ARID5B: variants seen among roughly 807,000 people sequenced by gnomAD.
ARID5B encodes the protein AT-rich interaction domain 5B.
ARID5B carries 13 observed loss-of-function variants against 97.2 expected under a neutral mutation model. The ratio of observed to expected loss-of-function variants is 0.13; its 90% confidence interval spans 0.09 to 0.21. ARID5B has a LOEUF of 0.21. Among genes scored for constraint, ARID5B ranks in the 10% least tolerant of loss-of-function variants. The pLI is 1.00. For missense variants in ARID5B, 1,210 were observed against 1,465.3 expected (o/e 0.83, Z 2.84); for synonymous variants, 556 against 570.3 (o/e 0.97, Z 0.36).
At chr10:62,053,716 G>A (rs1839820947) in intron 5 of ARID5B, among the ~76,000 whole-genome samples, 1 of 152,204 alleles carries the variant, frequency 6.6e-6, no homozygotes, top group African/African-American at 2.4e-5. Flanking sequence ...AAGGGCAGAA[G>A]TGTATTACAG....
Position 61,966,974 on chromosome 10 carries a change from C to T in ARID5B, c.502+26566C>T, listed in dbSNP as rs1451117858. Among the ~76,000 whole-genome samples the T allele has an allele frequency of 5.3e-5, 8 of 152,250 alleles. No individual in the cohort carries two copies. The South Asian group carries it at 1.2e-3, about 24-fold the overall frequency. On this transcript the variant is annotated intron_variant, in intron 3 of 9. Coordinates refer to ENST00000279873, the MANE Select transcript of ARID5B (RefSeq NM_032199.3). Reference sequence around the variant, plus strand: ...ATTTTATTATTTCTCACTAGCAGTACTCTGTATATTGGCTCGTATAGAAAT... The same window carrying T: ...ATTTTATTATTTCTCACTAGCAGTATTCTGTATATTGGCTCGTATAGAAAT...
At chr10:61,995,604 C>T (rs1015017493) in intron 3 of ARID5B, among the ~76,000 whole-genome samples, 2 of 151,960 alleles carry the variant, frequency 1.3e-5, no homozygotes, top group Admixed American at 1.3e-4. Context: ...CTCTGTTATA[C>T]ACACCTTTCA....
rs534809953 is a variant in ARID5B at position 62,053,204 on chromosome 10, GC to G, written c.846+2205del. On this transcript the variant is annotated intron_variant, in intron 5 of 9. Transcript: ENST00000279873. ...AAAGCAGCATCTTAGAGGACAGTGA[GC>G]TGTTTGACTTTGTGACCAAGACCCA... Among the ~76,000 whole-genome samples the G allele has an allele frequency of 1.3e-4, 20 of 152,288 alleles. No homozygotes were observed. In the East Asian group the frequency reaches 3.9e-3, roughly 29 times the overall value.
At chr10:61,968,366 T>C (rs1480543392) in intron 3 of ARID5B, among the ~76,000 whole-genome samples, 3 of 151,596 alleles carry the variant, frequency 2.0e-5, no homozygotes, top group African/African-American at 7.3e-5. Context: ...TAGAAAATAC[T>C]AACATACACA....
intron 3 of ARID5B, among the ~76,000 whole-genome samples, chr10:61,948,360 C>T (rs1838270522): frequency 7.1e-6 from 1 of 140,856 alleles, no homozygotes; most frequent in Non-Finnish European, 1.5e-5. Flanking sequence ...GGTTACTTAT[C>T]TTAGGATACA....
At position 62,082,352 on chromosome 10, in the gene ARID5B, G is replaced by GA. The variant is rs1840224261; in HGVS notation, c.1200-3346dup. ...CAGACTAGATGTAGATCAGGAAGGG[G>GA]AAAATCTCTGGATTTTCTAATGAAT... is the stretch of plus-strand genomic sequence containing the variant. On this transcript the variant is annotated intron_variant, in intron 8 of 9. Transcript: ENST00000279873. Among the ~76,000 whole-genome samples the GA allele has an allele frequency of 3.9e-5, 6 of 152,260 alleles. No homozygotes were observed. In the South Asian group the frequency reaches 8.3e-4, roughly 21 times the overall value.
In ARID5B at chr10:62,019,918, C is replaced by G. The variant is rs1013712724; in HGVS notation, c.733+19597C>G. 3.9e-5 allele frequency among the ~76,000 whole-genome samples: 6 copies of G among 152,170 alleles called. No individual in the cohort carries two copies. In the East Asian group the frequency reaches 1.2e-3, roughly 29 times the overall value. ...GCCCAGGGCTGAGCTCGTTCTGATT[C>G]CCACATTTTGTGGGTTTTCTTACAG... is the stretch of plus-strand genomic sequence containing the variant. On this transcript the variant is annotated intron_variant, in intron 4 of 9. Coordinates refer to ENST00000279873, the MANE Select transcript of ARID5B (RefSeq NM_032199.3).
chr10:61,970,681 G>A (rs1838614479), intron 3 of ARID5B, among the ~76,000 whole-genome samples: 1 of 152,164 alleles, frequency 6.6e-6, no homozygotes, highest in Non-Finnish European at 1.5e-5. Flanking sequence ...AGGTCTTCCA[G>A]TTTGAAAAGG....
At chr10:61,920,825 G>A (rs1042203042) in intron 2 of ARID5B, among the ~76,000 whole-genome samples, 1 of 152,120 alleles carries the variant, frequency 6.6e-6, no homozygotes, top group African/African-American at 2.4e-5. Flanking sequence ...AATAAAATCA[G>A]CTTCTTTCTC....
intron 3 of ARID5B, among the ~76,000 whole-genome samples, chr10:61,995,579 A>T (rs1838984751): frequency 6.6e-6 from 1 of 152,054 alleles, no homozygotes; most frequent in Non-Finnish European, 1.5e-5. Flanking sequence ...CTCTCCCCAA[A>T]CTCAAAATTT....
At chr10:61,920,187 G>A (rs1453935369) in intron 2 of ARID5B, among the ~76,000 whole-genome samples, 1 of 152,096 alleles carries the variant, frequency 6.6e-6, no homozygotes, top group African/African-American at 2.4e-5. Context: ...CTTAAGCCAA[G>A]AGGAATCTTG....
chr10:61,950,165 G>T (rs936836706), intron 3 of ARID5B, among the ~76,000 whole-genome samples: 1 of 152,066 alleles, frequency 6.6e-6, no homozygotes, highest in Non-Finnish European at 1.5e-5. Flanking sequence ...GTGCCACCAC[G>T]CCCAGCTAAT....
chr10:61,936,344 G>T (rs1279716002), intron 2 of ARID5B, among the ~76,000 whole-genome samples: 1 of 152,228 alleles, frequency 6.6e-6, no homozygotes, highest in African/African-American at 2.4e-5. Context: ...TGGGCCGGGT[G>T]CGGTGGCTCA....
intron 8 of ARID5B, among the ~76,000 whole-genome samples, chr10:62,073,905 CTT>C (rs1395657730): frequency 6.6e-6 from 1 of 152,152 alleles, no homozygotes; most frequent in Non-Finnish European, 1.5e-5. Flanking sequence ...TTGTCTAACT[CTT>C]TACTTAAAAG....
intron 3 of ARID5B, among the ~76,000 whole-genome samples, chr10:61,991,778 C>G (rs1182488603): frequency 6.6e-6 from 1 of 152,024 alleles, no homozygotes; most frequent in Non-Finnish European, 1.5e-5. Flanking sequence ...GCCTGTAATC[C>G]CAGCACTTTG....
At chr10:61,987,018 C>G (rs1261401593) in intron 3 of ARID5B, among the ~76,000 whole-genome samples, 2 of 152,152 alleles carry the variant, frequency 1.3e-5, no homozygotes, top group East Asian at 3.8e-4. Context: ...TAGTAAGAAG[C>G]AAGAGGAAGA....
intron 4 of ARID5B, chr10:62,049,299 G>A: frequency 6.8e-7 from 1 of 1,474,006 alleles, no homozygotes; most frequent in Non-Finnish European, 9.0e-7. Context: ...GTGTTTACAT[G>A]AGTAATGGAG....
Position 62,093,114 on chromosome 10 carries a change from A to C in ARID5B, c.*84A>C. ...AGGAGTGCTGGCTTATAGAGTTAGA[A>C]GTCAGTATTTCTTCTAATCTGAGGC... On this transcript the variant is annotated 3_prime_UTR_variant, in exon 10 of 10. Coordinates refer to ENST00000279873, the MANE Select transcript of ARID5B (RefSeq NM_032199.3). 6.6e-7 allele frequency: 1 copy of C among 1,505,478 alleles called. No individual in the cohort carries two copies. The highest frequency in any genetic ancestry group is 1.4e-5 in the African/African-American group (1 of 71,840). 93.3% of individuals were successfully genotyped at this position (1,505,478 alleles called of 1,614,324 possible). A position where few individuals can be genotyped will look rare whatever the true frequency, so the allele number is the denominator to read the frequency against.
chr10:61,956,079 T>C (rs1838387498), intron 3 of ARID5B, among the ~76,000 whole-genome samples: 1 of 152,222 alleles, frequency 6.6e-6, no homozygotes, highest in South Asian at 2.1e-4. Flanking sequence ...AAAATAAATT[T>C]GACTATATGG....
Sources: allele counts gnomAD v4.1 joint callset (sites outside exome capture counted in the v4.1 genomes callset), GRCh38; gene constraint gnomAD v4.1.1; transcripts MANE v1.5; gene names NCBI Gene and HGNC (gene_info 2026-07-23, HGNC 2026-07-21).